The following CACNA2D4 variants were observed in gnomAD, a reference collection of about 807,000 sequenced individuals.
CACNA2D4 encodes calcium voltage-gated channel auxiliary subunit alpha2delta 4, also known as voltage-dependent calcium channel subunit alpha-2/delta-4.
CACNA2D4 carries 157 observed loss-of-function variants against 163.8 expected under a neutral mutation model. The ratio of observed to expected loss-of-function variants is 0.96; its 90% CI spans 0.84 to 1.09. The LOEUF is 1.09. CACNA2D4 is among the 50% of genes least tolerant of loss of function. The pLI is 0.00. For synonymous variants in CACNA2D4, 598 were observed against 586.9 expected (o/e 1.02, Z -0.27); for missense variants, 1,410 against 1,479.9 (o/e 0.95, Z 0.78).
chr12:1,833,735 C>T lies in CACNA2D4; in HGVS notation c.2551+7004G>A, dbSNP rs189315906. On this transcript the variant is annotated intron_variant, in intron 26 of 37. Transcript: ENST00000382722. The surrounding 1 kb of genome is among the most constrained non-coding windows in gnomAD (Gnocchi z 4.2). ...CAAAAGGTCTTGCGTGGAGGGGCAG[C>T]GGCAGGGGCAGTGGGTTTTGACTGC... 1.5e-3 allele frequency among the ~76,000 whole-genome samples: 236 copies of T among 152,290 alleles called. No homozygotes were observed. Among genetic ancestry groups the T allele is most frequent in the African/African-American group, 4.8e-3 (199 of 41,562 alleles).
Position 1,858,590 on chromosome 12 carries a change from C to T in CACNA2D4, c.1995G>A (p.Thr665=), listed in dbSNP as rs748837115. Residue 665 remains threonine, a synonymous_variant, in exon 20 of 38, where the codon ACG becomes ACA. Transcript: ENST00000382722. ...GHGEYILLGN[T]SVEEGLHDLL... ...GTACCGACCCACCTTCTTCCACAGA[C>T]GTGTTCCCCAGAAGGATGTATTCTC... is the stretch of plus-strand genomic sequence containing the variant. 36 of 1,613,474 alleles carry T rather than the reference C, an allele frequency of 2.2e-5. No homozygotes were observed. Among genetic ancestry groups the T allele is most frequent in the South Asian group, 5.5e-5 (5 of 91,026 alleles).
At chr12:1,818,978 T>A in intron 26 of CACNA2D4, among the ~76,000 whole-genome samples, 3 of 117,794 alleles carry the variant, frequency 2.5e-5, no homozygotes, top group South Asian at 2.9e-4. Context: ...CACCCAAGAA[T>A]GATCAATAAA....
chr12:1,851,505 G>A (rs1865277935), intron 23 of CACNA2D4, among the ~76,000 whole-genome samples: 1 of 152,178 alleles, frequency 6.6e-6, no homozygotes, highest in South Asian at 2.1e-4. Context: ...GCATTTAGAT[G>A]AGTTTCCGGA....
intron 31 of CACNA2D4, 31 bp downstream of exon 31, chr12:1,801,012 C>A: frequency 1.9e-6 from 3 of 1,603,936 alleles, no homozygotes; most frequent in Admixed American, 1.7e-5. Context: ...GGCTGGCTGG[C>A]TGGCAGAGGG....
In CACNA2D4 at chr12:1,917,145, C is replaced by T. The variant is rs1867006373; in HGVS notation, c.227+1102G>A. 6.6e-6 allele frequency among the ~76,000 whole-genome samples: 1 copy of T among 152,186 alleles called. No homozygotes were observed. The highest frequency in any genetic ancestry group is 1.5e-5 in the Non-Finnish European group (1 of 68,024). ...ACAGGAGTTCAAATCCCAGCACCTT[C>T]ACTTCCTGGCCTTGTGAACTTGGGG... On this transcript the variant is annotated intron_variant, in intron 1 of 37. Transcript: ENST00000382722. This position sits in a 1 kb window ranked among gnomAD's most constrained non-coding sequence, Gnocchi z 4.3.
intron 37 of CACNA2D4, among the ~76,000 whole-genome samples, chr12:1,794,752 T>A (rs1445036669): frequency 6.6e-6 from 1 of 152,208 alleles, no homozygotes; most frequent in Non-Finnish European, 1.5e-5. Flanking sequence ...CCAAACACAG[T>A]GGCTCGGGGA....
intron 6 of CACNA2D4, among the ~76,000 whole-genome samples, chr12:1,904,216 G>T (rs371808923): frequency 6.6e-6 from 1 of 151,952 alleles, no homozygotes; most frequent in African/African-American, 2.4e-5. Context: ...GCTACCAGAG[G>T]CTGGGAAGGG....
chr12:1,832,915 G>A (rs940893382), intron 26 of CACNA2D4, among the ~76,000 whole-genome samples: 3 of 152,252 alleles, frequency 2.0e-5, no homozygotes, highest in South Asian at 2.1e-4. Flanking sequence ...AGGGAAATGA[G>A]GCTGCATCCC....
rs1864449063 is a variant in CACNA2D4 at position 1,828,289 on chromosome 12, A to G, written c.2551+12450T>C. ...CCGAGGTGACTGTAGGTAGCGCCAT[A>G]TGGGACCTTAGCCACACTCAGGCTG... On this transcript the variant is annotated intron_variant, in intron 26 of 37. Transcript: ENST00000382722. The surrounding 1 kb of genome is among the most constrained non-coding windows in gnomAD (Gnocchi z 4.2). The G allele has an allele frequency of 1.5e-6, 2 of 1,304,628 alleles. No homozygotes were observed. Among genetic ancestry groups the G allele is most frequent in the Non-Finnish European group, 2.1e-6 (2 of 956,140 alleles). 80.8% of individuals were successfully genotyped at this position (1,304,628 alleles called of 1,614,324 possible).
rs766705137 is a variant in CACNA2D4, at chr12:1,882,883, G to T, written c.1469C>A (p.Ala490Asp). 1.2e-6 allele frequency: 2 copies of T among 1,613,856 alleles called. No homozygotes were observed. Among genetic ancestry groups the T allele is most frequent in the Admixed American group, 1.7e-5 (1 of 60,012 alleles). Residue 490 changes from alanine (A) to aspartate (D), a missense_variant, in exon 13 of 38, where the codon GCC becomes GAC. Transcript: ENST00000382722. ...NHDHDIIWTE[A>D]YMDSKLLSSQ... ...CAGGCTCACCTTGCTGTCCATGTAG[G>T]CCTCTGTCCAGATGATGTCGTGGTC... is the stretch of plus-strand genomic sequence containing the variant.
intron 23 of CACNA2D4, among the ~76,000 whole-genome samples, chr12:1,850,709 C>A (rs1865257336): frequency 6.6e-6 from 1 of 151,960 alleles, no homozygotes; most frequent in Non-Finnish European, 1.5e-5. Flanking sequence ...TTGAGACCAT[C>A]CTGGCTAACA....
chr12:1,885,579 C>T (rs1866116193), intron 9 of CACNA2D4, among the ~76,000 whole-genome samples: 1 of 152,138 alleles, frequency 6.6e-6, no homozygotes, highest in Non-Finnish European at 1.5e-5. Flanking sequence ...GGTCTTTTAC[C>T]AGAGGAAAGG....
chr12:1,894,566 G>A (rs987816156), intron 6 of CACNA2D4, among the ~76,000 whole-genome samples: 3 of 152,100 alleles, frequency 2.0e-5, no homozygotes, highest in Admixed American at 1.3e-4. Flanking sequence ...TTATACTAGG[G>A]ATGCAAGGAT....
intron 31 of CACNA2D4, 191 bp from the exon 32 acceptor site, chr12:1,800,629 A>G (rs1863284035): frequency 8.1e-6 from 5 of 618,750 alleles, no homozygotes; most frequent in Non-Finnish European, 1.4e-5. Context: ...TGCAGAGCTG[A>G]GCTAGCTGGG....
At chr12:1,871,552 C>T (rs1197707028) in intron 18 of CACNA2D4, among the ~76,000 whole-genome samples, 1 of 144,688 alleles carries the variant, frequency 6.9e-6, no homozygotes, top group Non-Finnish European at 1.5e-5. Context: ...CGTGTGTACA[C>T]GTGTGTGCTG....
chr12:1,855,137 T>C (rs951139161), intron 22 of CACNA2D4, among the ~76,000 whole-genome samples: 1 of 152,172 alleles, frequency 6.6e-6, no homozygotes, highest in African/African-American at 2.4e-5. Context: ...TATCTATATA[T>C]GTAGGCTTAT....
At position 1,834,701 on chromosome 12, in the gene CACNA2D4, C is replaced by G. The variant is rs769819286; in HGVS notation, c.2551+6038G>C. On this transcript the variant is annotated intron_variant, in intron 26 of 37. Transcript: ENST00000382722. This position sits in a 1 kb window ranked among gnomAD's most constrained non-coding sequence, Gnocchi z 7.6. ...CGAGGGCGAGCACGAGGACCAGAAG[C>G]AGATCTCTTCTGTGGCCTGAGCGCC... The G allele has an allele frequency of 6.3e-7, 1 of 1,599,810 alleles. No individual in the cohort carries two copies. The highest frequency in any genetic ancestry group is 1.1e-5 in the South Asian group (1 of 90,828).
intron 6 of CACNA2D4, among the ~76,000 whole-genome samples, chr12:1,895,136 A>C (rs1866372208): frequency 6.6e-6 from 1 of 152,194 alleles, no homozygotes; most frequent in Non-Finnish European, 1.5e-5. Context: ...TCTCATTTAC[A>C]GTAACTACCA....
At chr12:1,841,528 TTTCTGG>T (rs1298284931) in intron 25 of CACNA2D4, among the ~76,000 whole-genome samples, 1 of 152,220 alleles carries the variant, frequency 6.6e-6, no homozygotes, top group Non-Finnish European at 1.5e-5. Flanking sequence ...GAAACAGAGC[TTTCTGG>T]TTCTGACTGG....
Sources: allele counts gnomAD v4.1 joint callset (sites outside exome capture counted in the v4.1 genomes callset), GRCh38; gene constraint gnomAD v4.1.1; non-coding constraint Gnocchi (gnomAD v3.1); transcripts MANE v1.5; gene names NCBI Gene and HGNC (gene_info 2026-07-23, HGNC 2026-07-21).